MAGI2: variants seen among roughly 807,000 people sequenced by gnomAD.
MAGI2 encodes the protein membrane associated guanylate kinase, WW and PDZ domain containing 2.
A neutral mutation model predicts 133.3 loss-of-function variants in MAGI2; 35 were observed. That is an observed-to-expected ratio of 0.26 (90% CI 0.20 to 0.35). The LOEUF is 0.35. Among genes scored for constraint, MAGI2 ranks in the 10% least tolerant of loss-of-function variants. The pLI is 1.00. For missense variants in MAGI2, 1,636 were observed against 1,863.4 expected, an observed-to-expected ratio of 0.88 and a Z score of 2.25; for synonymous variants, 729 against 710.6, an observed-to-expected ratio of 1.03 and a Z score of -0.41.
At chr7:78,998,740 G>A (rs1417723953) in intron 2 of MAGI2, among the ~76,000 whole-genome samples, 2 of 152,116 alleles carry the variant, frequency 1.3e-5, no homozygotes, top group African/African-American at 4.8e-5. Flanking sequence ...CCGTCTTTAA[G>A]TCCCATAAGA....
chr7:79,016,294 G>C (rs555910840), intron 1 of MAGI2, among the ~76,000 whole-genome samples: 66 of 152,188 alleles, frequency 4.3e-4, no homozygotes, highest in Non-Finnish European at 8.5e-4. Flanking sequence ...GGGTGATCTT[G>C]CTCATGAGGC....
rs1799518052 is a variant in MAGI2, at chr7:78,924,397, A to G, written c.418+82693T>C. ...AATACCTAATTTATTGAGAGATTTT[A>G]CCATGAAGTGTTGTTGAATTTTGTC... On this transcript the variant is annotated intron_variant, in intron 2 of 21. Transcript: ENST00000354212. Among the ~76,000 whole-genome samples the G allele has an allele frequency of 2.0e-5, 3 of 151,286 alleles. No homozygotes were observed. In the Admixed American group the frequency reaches 2.0e-4, roughly 10 times the overall value.
intron 1 of MAGI2, among the ~76,000 whole-genome samples, chr7:79,010,183 T>C (rs943738570): frequency 2.0e-5 from 3 of 152,070 alleles, no homozygotes; most frequent in African/African-American, 4.8e-5. Flanking sequence ...TGCATGTATA[T>C]GTACAGTATG....
At chr7:78,882,086 CAAAAAAA>C (rs771918590) in intron 2 of MAGI2, among the ~76,000 whole-genome samples, 45 of 12,468 alleles carry the variant, frequency 3.6e-3, no homozygotes, top group African/African-American at 0.014. Context: ...ACAACAACAA[CAAAAAAA>C]AAAAAAAAAA....
intron 1 of MAGI2, chr7:79,177,139 T>C (rs563736794): frequency 6.6e-6 from 1 of 152,014 alleles, no homozygotes; most frequent in Non-Finnish European, 1.5e-5. Context: ...TGTTCTGTAA[T>C]CTTAATAGAA....
At chr7:79,098,548 G>A (rs1817706564) in intron 1 of MAGI2, among the ~76,000 whole-genome samples, 2 of 152,276 alleles carry the variant, frequency 1.3e-5, no homozygotes, top group Admixed American at 1.3e-4. Context: ...TGGATAACAT[G>A]AGAAGAAAAC....
intron 1 of MAGI2, among the ~76,000 whole-genome samples, chr7:79,267,412 T>C (rs1292635854): frequency 1.3e-5 from 2 of 152,116 alleles, no homozygotes; most frequent in African/African-American, 2.4e-5. Context: ...TGGGGTTTCT[T>C]TGTGCAGGAC....
chr7:78,110,647 GT>G (rs1819266452), intron 20 of MAGI2, among the ~76,000 whole-genome samples: 1 of 152,154 alleles, frequency 6.6e-6, no homozygotes, highest in Non-Finnish European at 1.5e-5. Context: ...GGCTCTACTT[GT>G]ATTTATTAAA....
chr7:78,301,825 C>T (rs1178432791), intron 9 of MAGI2, among the ~76,000 whole-genome samples: 2 of 152,108 alleles, frequency 1.3e-5, no homozygotes, highest in African/African-American at 2.4e-5. Context: ...GGTTCCAGAG[C>T]CAGACTATGT....
At chr7:79,052,042 C>T (rs1320901840) in intron 1 of MAGI2, among the ~76,000 whole-genome samples, 8 of 152,042 alleles carry the variant, frequency 5.3e-5, no homozygotes. Flanking sequence ...TAGTTCCTAA[C>T]ACTCCCAATA....
intron 1 of MAGI2, among the ~76,000 whole-genome samples, chr7:79,365,362 G>C (rs1241132382): frequency 1.3e-5 from 2 of 152,066 alleles, no homozygotes; most frequent in Non-Finnish European, 2.9e-5. Context: ...TCTTGCACTT[G>C]CACTCTTGGA....
At chr7:79,345,043 A>C (rs1222807588) in intron 1 of MAGI2, among the ~76,000 whole-genome samples, 1 of 152,092 alleles carries the variant, frequency 6.6e-6, no homozygotes, top group African/African-American at 2.4e-5. Context: ...TATTTAATAC[A>C]TATTGTTATG....
chr7:79,056,828 T>A (rs1412524942), intron 1 of MAGI2, among the ~76,000 whole-genome samples: 1 of 152,218 alleles, frequency 6.6e-6, no homozygotes, highest in African/African-American at 2.4e-5. Context: ...CTGCATGCAA[T>A]CACTTTCAAA....
chr7:78,280,145 G>A (rs1363218501), intron 9 of MAGI2, among the ~76,000 whole-genome samples: 1 of 152,150 alleles, frequency 6.6e-6, no homozygotes, highest in Non-Finnish European at 1.5e-5. Context: ...CATAGTTTCT[G>A]GGGGATTTGG....
rs898233703 is a variant in MAGI2 at position 78,408,078 on chromosome 7, T to A, written c.1046-38865A>T. Among the ~76,000 whole-genome samples, 5 of 152,174 alleles carry A rather than the reference T, an allele frequency of 3.3e-5. No homozygotes were observed. The East Asian group carries it at 9.7e-4, about 29-fold the overall frequency. Reference sequence around the variant, plus strand: ...CCAGGTAATTTGCAACTCCCTCCCTTCTATGCTTATCATCCAATTTCATAC... The same window carrying A: ...CCAGGTAATTTGCAACTCCCTCCCTACTATGCTTATCATCCAATTTCATAC... On this transcript the variant is annotated intron_variant, in intron 6 of 21. Coordinates refer to ENST00000354212, the MANE Select transcript of MAGI2 (RefSeq NM_012301.4).
chr7:78,280,065 C>T (rs1430850631), intron 9 of MAGI2, among the ~76,000 whole-genome samples: 1 of 152,102 alleles, frequency 6.6e-6, no homozygotes, highest in Non-Finnish European at 1.5e-5. Flanking sequence ...AGAGTGACCT[C>T]TGGGAAAACT....
chr7:78,403,080 C>T (rs1797043261), intron 6 of MAGI2, among the ~76,000 whole-genome samples: 1 of 152,174 alleles, frequency 6.6e-6, no homozygotes, highest in African/African-American at 2.4e-5. Context: ...ATACACGTGC[C>T]GTGTTGGTGT....
At chr7:78,310,593 T>C (rs1171926440) in intron 9 of MAGI2, among the ~76,000 whole-genome samples, 1 of 152,126 alleles carries the variant, frequency 6.6e-6, no homozygotes, top group Non-Finnish European at 1.5e-5. Context: ...TATAAGACCT[T>C]GTTTGGTTGG....
At chr7:78,448,453 A>G (rs1788380698) in intron 6 of MAGI2, among the ~76,000 whole-genome samples, 1 of 152,096 alleles carries the variant, frequency 6.6e-6, no homozygotes. Context: ...GCTCACCAGA[A>G]AAACTGATTT....
Sources: allele counts gnomAD v4.1 joint callset (sites outside exome capture counted in the v4.1 genomes callset), GRCh38; gene constraint gnomAD v4.1.1; transcripts MANE v1.5; gene names NCBI Gene and HGNC (gene_info 2026-07-23, HGNC 2026-07-21).